Variants in FAAH2 observed in about 807,000 individuals in gnomAD.
FAAH2 encodes fatty acid amide hydrolase 2, also known as fatty-acid amide hydrolase 2.
In FAAH2, 60 loss-of-function variants were observed where a neutral mutation model predicts 36.9. The ratio of observed to expected loss-of-function variants is 1.63; its 90% CI spans 1.32 to 2.02. FAAH2 has a LOEUF of 2.02. Ranked by LOEUF, FAAH2 falls within the 30% of genes most tolerant of loss-of-function variation. FAAH2 has a pLI of 0.00. For synonymous variants in FAAH2, 214 were observed against 143.8 expected, an observed-to-expected ratio of 1.49 and a Z score of -3.49; for missense variants, 689 against 397.5, an observed-to-expected ratio of 1.73 and a Z score of -6.23.
chrX:57,469,853 A>G (rs1279620431), intron 10 of FAAH2, among the ~76,000 whole-genome samples: 2 of 111,842 alleles, frequency 1.8e-5, no homozygotes, highest in Non-Finnish European at 3.8e-5. Flanking sequence ...TTGGAAGTAA[A>G]GCACTCCTCA....
chrX:57,431,766 T>G, intron 7 of FAAH2, 152 bp from the exon 8 acceptor site: 1 of 164,860 alleles, frequency 6.1e-6, no homozygotes, highest in African/African-American at 5.5e-5. Context: ...TGTTTTTGTT[T>G]TTTTGTTTTT....
At chrX:57,340,387 C>A (rs1276508260) in intron 4 of FAAH2, among the ~76,000 whole-genome samples, 6 of 111,761 alleles carry the variant, frequency 5.4e-5, no homozygotes, top group Non-Finnish European at 9.4e-5. Flanking sequence ...AGGAAGAATA[C>A]TTTGCATTTT....
chrX:57,418,600 C>T (rs1028142463), intron 7 of FAAH2, among the ~76,000 whole-genome samples: 10 of 110,893 alleles, frequency 9.0e-5, no homozygotes, highest in African/African-American at 9.8e-5. Context: ...CCGAGTACCT[C>T]GGTTGGAAAT....
intron 7 of FAAH2, among the ~76,000 whole-genome samples, chrX:57,407,251 C>A (rs746260293): frequency 4.4e-4 from 49 of 111,935 alleles, no homozygotes; most frequent in Middle Eastern, 4.6e-3. Context: ...ATTCCATGGG[C>A]AAGATGGTGG....
the FAAH2 span, among the ~76,000 whole-genome samples, chrX:57,153,423 A>G: frequency 8.9e-6 from 1 of 111,750 alleles, no homozygotes; most frequent in African/African-American, 3.3e-5. Flanking sequence ...TGTTGCCTGT[A>G]TACCTTTTTT....
the FAAH2 span, among the ~76,000 whole-genome samples, chrX:57,228,178 A>T: frequency 7.1e-4 from 80 of 111,942 alleles, no homozygotes; most frequent in African/African-American, 2.5e-3. Context: ...CCCTGTTCAA[A>T]TTGTTAGAAA....
the FAAH2 span, chrX:57,121,889 A>G: frequency 5.7e-5 from 4 of 70,720 alleles, no homozygotes; most frequent in Non-Finnish European, 7.8e-5. Flanking sequence ...CCATGCCCTT[A>G]TGGATTTATT....
At chrX:57,284,308 A>C (rs2051780462), upstream of FAAH2, among the ~76,000 whole-genome samples, 1 of 111,416 alleles carries the variant, frequency 9.0e-6, no homozygotes, top group Non-Finnish European at 1.9e-5. Context: ...CGGGAGGCAA[A>C]GGTTGCAATG....
chrX:57,379,452 T>C (rs1328274086), intron 6 of FAAH2, among the ~76,000 whole-genome samples: 1 of 110,014 alleles, frequency 9.1e-6, no homozygotes, highest in Non-Finnish European at 1.9e-5. Context: ...GATCTTATGT[T>C]CTCTTATTCT....
At chrX:57,325,600 C>T (rs1278485826) in intron 3 of FAAH2, among the ~76,000 whole-genome samples, 2 of 104,827 alleles carry the variant, frequency 1.9e-5, no homozygotes, top group African/African-American at 7.0e-5. Flanking sequence ...TTATCCGTTT[C>T]TTCTAGATTT....
intron 5 of FAAH2, among the ~76,000 whole-genome samples, chrX:57,370,222 G>A (rs1226866802): frequency 9.0e-6 from 1 of 111,655 alleles, no homozygotes; most frequent in African/African-American, 3.3e-5. Flanking sequence ...AACCTTAAAT[G>A]TAAATGAATC....
the FAAH2 span, among the ~76,000 whole-genome samples, chrX:57,233,900 C>T: frequency 1.8e-5 from 2 of 113,014 alleles, no homozygotes; most frequent in African/African-American, 3.2e-5. Context: ...CCCGCCTCTG[C>T]CTCCTAAAGT....
chrX:57,409,057 C>T, intron 7 of FAAH2, among the ~76,000 whole-genome samples: 1 of 111,267 alleles, frequency 9.0e-6, no homozygotes, highest in Admixed American at 9.6e-5. Context: ...ACATATACAG[C>T]ATGTTACTGT....
intron 2 of FAAH2, among the ~76,000 whole-genome samples, chrX:57,300,805 T>C (rs1387877109): frequency 8.9e-6 from 1 of 111,836 alleles, no homozygotes; most frequent in Admixed American, 9.5e-5. Flanking sequence ...GCAAAGGATG[T>C]GAACAGACAC....
the FAAH2 span, among the ~76,000 whole-genome samples, chrX:57,217,391 C>A: frequency 9.0e-6 from 1 of 110,964 alleles, no homozygotes; most frequent in Non-Finnish European, 1.9e-5. Context: ...CCAGTGTTAT[C>A]TTCTAGAGTT....
At chrX:57,306,762 CTA>C (rs1216620245) in intron 2 of FAAH2, among the ~76,000 whole-genome samples, 3 of 92,055 alleles carry the variant, frequency 3.3e-5, no homozygotes, top group African/African-American at 7.8e-5. Context: ...TATGTATACA[CTA>C]TATATATACC....
the FAAH2 span, among the ~76,000 whole-genome samples, chrX:57,143,664 C>T: frequency 9.1e-6 from 1 of 109,987 alleles, no homozygotes; most frequent in South Asian, 4.0e-4. Flanking sequence ...TTTTGGTAGA[C>T]AGGGGGTTTC....
intron 10 of FAAH2, among the ~76,000 whole-genome samples, chrX:57,466,476 G>A (rs1450897897): frequency 1.8e-4 from 2 of 11,281 alleles, no homozygotes; most frequent in Admixed American, 5.4e-3. Flanking sequence ...TGTAAAAGAG[G>A]AACAGAAAAA....
the FAAH2 span, among the ~76,000 whole-genome samples, chrX:57,166,058 A>AGTAATG: frequency 9.1e-6 from 1 of 110,065 alleles, no homozygotes; most frequent in East Asian, 2.9e-4. Context: ...GGAAGAGCAC[A>AGTAATG]CCAACAGGCA....
Sources: gnomAD v4.1 joint callset for allele counts (sites outside exome capture counted in the v4.1 genomes callset) on GRCh38, gnomAD v4.1.1 for gene constraint, MANE v1.5 for transcripts, NCBI Gene and HGNC (gene_info 2026-07-23, HGNC 2026-07-21) for gene names.